The following PDE4D variants were observed in gnomAD, a reference collection of about 807,000 sequenced individuals.
The protein encoded by PDE4D is 3',5'-cyclic-AMP phosphodiesterase 4D.
Under a neutral mutation model 87.4 loss-of-function variants are expected in PDE4D, and 24 were observed. The ratio of observed to expected loss-of-function variants is 0.27; its 90% CI spans 0.20 to 0.39. The LOEUF (loss-of-function observed/expected upper bound fraction) is 0.39, where lower values mean the gene tolerates loss of function less well. Ranked by LOEUF, PDE4D falls within the 10% of genes least tolerant of loss-of-function variation. The pLI is 1.00. For missense variants in PDE4D, 714 were observed against 1,041.0 expected (o/e 0.69, Z 4.32); for synonymous variants, 384 against 383.2 (o/e 1.00, Z -0.02).
intron 1 of PDE4D, among the ~76,000 whole-genome samples, chr5:60,315,591 G>GT (rs1163719465): frequency 7.9e-5 from 12 of 152,156 alleles, no homozygotes; most frequent in African/African-American, 2.9e-4. Context: ...TATTGCCTAG[G>GT]TTTTCTTCTG....
intron 5 of PDE4D, among the ~76,000 whole-genome samples, chr5:59,077,283 A>T (rs1765845788): frequency 6.6e-6 from 1 of 152,196 alleles, no homozygotes; most frequent in Non-Finnish European, 1.5e-5. Flanking sequence ...TAAATAAAGG[A>T]GTTGTCCCTA....
chr5:59,852,946 C>T (rs1006022028), intron 1 of PDE4D, among the ~76,000 whole-genome samples: 32 of 152,074 alleles, frequency 2.1e-4, no homozygotes, highest in African/African-American at 6.7e-4. Context: ...AAAGTGATGG[C>T]TAAAGACAAA....
chr5:59,709,166 G>C (rs558884003), intron 1 of PDE4D, among the ~76,000 whole-genome samples: 1 of 152,130 alleles, frequency 6.6e-6, no homozygotes, highest in Admixed American at 6.6e-5. Flanking sequence ...ACCAGGATCA[G>C]AGCCCTTTCC....
At position 59,819,023 on chromosome 5, in the gene PDE4D, T is replaced by C. The variant is rs544487429; in HGVS notation, c.455+74145A>G. Among the ~76,000 whole-genome samples the C allele has an allele frequency of 5.9e-5, 9 of 152,262 alleles. No homozygotes were observed. In the South Asian group the frequency reaches 1.0e-3, roughly 18 times the overall value. On this transcript the variant is annotated intron_variant, in intron 1 of 14. Transcript: ENST00000340635. ...ATCAAAATGGACCTGGAGAAGGGGATTATATGGGCTGACATTGTCTACTTT... is the reference window on the plus strand; with the variant it reads ...ATCAAAATGGACCTGGAGAAGGGGACTATATGGGCTGACATTGTCTACTTT...
At chr5:59,362,666 T>G (rs903480784) in intron 1 of PDE4D, among the ~76,000 whole-genome samples, 8 of 152,144 alleles carry the variant, frequency 5.3e-5, no homozygotes, top group Admixed American at 1.3e-4. Context: ...GGGAAACCAG[T>G]TGCAACACTG....
intron 1 of PDE4D, among the ~76,000 whole-genome samples, chr5:59,569,098 G>A (rs980871883): frequency 1.3e-4 from 20 of 152,012 alleles, no homozygotes; most frequent in Admixed American, 3.9e-4. Flanking sequence ...AAGTAAACTC[G>A]TACAATCAAA....
intron 5 of PDE4D, among the ~76,000 whole-genome samples, chr5:59,102,338 G>A (rs756713074): frequency 2.6e-5 from 4 of 151,744 alleles, no homozygotes; most frequent in Admixed American, 6.6e-5. Context: ...TGCACGCCTC[G>A]GCCTCCCAAA....
chr5:59,270,638 A>G lies in PDE4D; in HGVS notation c.456-54670T>C, dbSNP rs181819527. ...TTTCAACAACCAACAGTCTTTCACA[A>G]AGCTATTTTTCAACAACCAACAACG... is the stretch of plus-strand genomic sequence containing the variant. On this transcript the variant is annotated intron_variant, in intron 1 of 14. Coordinates refer to ENST00000340635, the MANE Select transcript of PDE4D (RefSeq NM_001104631.2). 5.3e-4 allele frequency among the ~76,000 whole-genome samples: 80 copies of G among 152,280 alleles called. 1 individual carries two copies. The highest frequency in any genetic ancestry group is 1.8e-4 in the Non-Finnish European group (12 of 68,008).
At chr5:59,639,856 T>TGTGTGTGTGA (rs1741262577) in intron 1 of PDE4D, among the ~76,000 whole-genome samples, 1 of 133,820 alleles carries the variant, frequency 7.5e-6, no homozygotes, top group African/African-American at 2.7e-5. Context: ...TGTGTGTGTG[T>TGTGTGTGTGA]GATGGGATGG....
At chr5:59,944,213 G>C (rs2963811) in intron 3 of PDE4D, among the ~76,000 whole-genome samples, 5,711 of 152,234 alleles carry the variant, frequency 0.038, 315 homozygotes, top group East Asian at 0.13. Context: ...TTCTGTACCT[G>C]AGCTATTTTT....
chr5:59,352,213 C>A (rs1194431108), intron 1 of PDE4D, among the ~76,000 whole-genome samples: 2 of 152,134 alleles, frequency 1.3e-5, no homozygotes, highest in African/African-American at 4.8e-5. Flanking sequence ...GACTTTCTAA[C>A]CACATATATG....
chr5:60,337,360 T>C (rs1040165909), intron 1 of PDE4D, among the ~76,000 whole-genome samples: 6 of 99,356 alleles, frequency 6.0e-5, no homozygotes, highest in African/African-American at 2.7e-4. Flanking sequence ...ACTATATATA[T>C]ATATATATAT....
At chr5:59,367,016 A>G (rs190515080) in intron 1 of PDE4D, among the ~76,000 whole-genome samples, 13 of 152,340 alleles carry the variant, frequency 8.5e-5, no homozygotes, top group African/African-American at 3.1e-4. Context: ...ATCAGGAAGG[A>G]GCAAGTACTG....
rs533854008 is a variant in PDE4D, at chr5:59,307,411, G to C, written c.456-91443C>G. On this transcript the variant is annotated intron_variant, in intron 1 of 14. Coordinates refer to ENST00000340635, the MANE Select transcript of PDE4D (RefSeq NM_001104631.2). ...TGCACAGCAAAAGAAACTACCATCA[G>C]AGTGAACAGGCAACCTACAAAATGG... Among the ~76,000 whole-genome samples, 797 of 151,650 alleles carry C rather than the reference G, an allele frequency of 5.3e-3. 7 individuals carry two copies. Among genetic ancestry groups the C allele is most frequent in the African/African-American group, 0.018 (745 of 41,292 alleles).
intron 1 of PDE4D, among the ~76,000 whole-genome samples, chr5:59,449,457 A>G (rs1292076374): frequency 1.3e-5 from 2 of 152,270 alleles, no homozygotes; most frequent in East Asian, 3.9e-4. Flanking sequence ...ACCCAGTAAA[A>G]CCTTGAACCC....
intron 5 of PDE4D, among the ~76,000 whole-genome samples, chr5:59,150,885 A>T (rs541301816): frequency 6.6e-6 from 1 of 152,330 alleles, no homozygotes; most frequent in African/African-American, 2.4e-5. Context: ...ATGGCAAGCC[A>T]TGTACAAACT....
chr5:60,212,758 T>C (rs113557952), intron 1 of PDE4D, among the ~76,000 whole-genome samples: 2,020 of 152,300 alleles, frequency 0.013, 27 homozygotes, highest in Non-Finnish European at 0.02. Flanking sequence ...ATAAATGACT[T>C]TAAGTTGATT....
chr5:59,815,216 G>A (rs1768842816), intron 1 of PDE4D, among the ~76,000 whole-genome samples: 1 of 152,216 alleles, frequency 6.6e-6, no homozygotes, highest in Non-Finnish European at 1.5e-5. Context: ...GGAGACCTCG[G>A]TTGGGAAAAT....
At chr5:60,019,295 T>A (rs1389934545) in intron 2 of PDE4D, among the ~76,000 whole-genome samples, 1 of 152,192 alleles carries the variant, frequency 6.6e-6, no homozygotes, top group South Asian at 2.1e-4. Context: ...AGCATAATTC[T>A]TAAGAGCCCT....
Sources: gnomAD v4.1 joint callset for allele counts (sites outside exome capture counted in the v4.1 genomes callset) on GRCh38, gnomAD v4.1.1 for gene constraint, MANE v1.5 for transcripts, NCBI Gene and HGNC (gene_info 2026-07-23, HGNC 2026-07-21) for gene names.